CLEC2D: variants seen among roughly 807,000 people sequenced by gnomAD.
CLEC2D encodes C-type lectin domain family 2 member D.
A neutral mutation model predicts 20.0 loss-of-function variants in CLEC2D; 16 were observed. The observed-to-expected ratio is 0.80, with a 90% CI of 0.54 to 1.22. The LOEUF (loss-of-function observed/expected upper bound fraction) is 1.22, where lower values mean the gene tolerates loss of function less well. CLEC2D is among the 50% of genes most tolerant of loss of function. The probability of loss-of-function intolerance (pLI) is 0.00; values close to 1 mark genes in which losing one functional copy is unlikely to be tolerated. For synonymous variants in CLEC2D, 77 were observed against 71.1 expected (o/e 1.08, Z -0.42); for missense variants, 207 against 221.5 (o/e 0.93, Z 0.42).
At chr12:9,692,076 A>T (rs1264045807) in intron 3 of CLEC2D, among the ~76,000 whole-genome samples, 2 of 152,162 alleles carry the variant, frequency 1.3e-5, no homozygotes, top group Non-Finnish European at 2.9e-5. Context: ...CACTTACATT[A>T]GTTTGGTGTC....
chr12:9,671,449 T>C (rs1473247808), intron 1 of CLEC2D, among the ~76,000 whole-genome samples: 1 of 152,098 alleles, frequency 6.6e-6, no homozygotes, highest in African/African-American at 2.4e-5. Flanking sequence ...CTCGATCTCC[T>C]GACTTTGTGA....
intron 1 of CLEC2D, among the ~76,000 whole-genome samples, 177 bp downstream of exon 1, chr12:9,669,972 C>A (rs1865375051): frequency 6.6e-6 from 1 of 151,702 alleles, no homozygotes; most frequent in South Asian, 2.1e-4. Context: ...TATTTATATT[C>A]CCAGTTCTAA....
chr12:9,682,831 G>A (rs1321230837), intron 2 of CLEC2D, among the ~76,000 whole-genome samples: 1 of 152,142 alleles, frequency 6.6e-6, no homozygotes, highest in East Asian at 1.9e-4. Flanking sequence ...ATAAACATAC[G>A]AGTGCATGTG....
At chr12:9,685,495 C>A (rs1195680929) in intron 2 of CLEC2D, among the ~76,000 whole-genome samples, 3 of 152,222 alleles carry the variant, frequency 2.0e-5, no homozygotes, top group Non-Finnish European at 4.4e-5. Context: ...TATCTATAAG[C>A]CCCTGACTGG....
chr12:9,695,949 CA>C lies in CLEC2D; in HGVS notation c.*1080del. 3.9e-6 allele frequency: 6 copies of C among 1,545,134 alleles called. No homozygotes were observed. Among genetic ancestry groups the C allele is most frequent in the East Asian group, 2.2e-5 (1 of 44,566 alleles). On this transcript the variant is annotated 3_prime_UTR_variant, in exon 5 of 5. Coordinates refer to ENST00000290855, the MANE Select transcript of CLEC2D (RefSeq NM_013269.6). ...AGAAATCTATACGAGATACTCCAGC[CA>C]AAAATGCACAAAAGTCAAATCAGAA...
chr12:9,682,735 A>G (rs1418787803), intron 2 of CLEC2D, among the ~76,000 whole-genome samples: 1 of 152,196 alleles, frequency 6.6e-6, no homozygotes, highest in African/African-American at 2.4e-5. Flanking sequence ...TCCATGGTGT[A>G]TATGTGCCAC....
intron 2 of CLEC2D, 47 bp from the exon 3 acceptor site, chr12:9,687,855 A>G (rs1865781008): frequency 2.5e-6 from 3 of 1,219,240 alleles, no homozygotes; most frequent in Non-Finnish European, 3.3e-6. Context: ...ACAATACAAT[A>G]TAAAAGTAAG....
intron 1 of CLEC2D, among the ~76,000 whole-genome samples, chr12:9,678,908 A>G (rs1176112909): frequency 6.6e-6 from 1 of 152,146 alleles, no homozygotes; most frequent in East Asian, 1.9e-4. Flanking sequence ...ATATTTTCTC[A>G]TTCTTAGTAT....
intron 1 of CLEC2D, among the ~76,000 whole-genome samples, chr12:9,675,408 A>G (rs763426230): frequency 6.6e-6 from 1 of 152,076 alleles, no homozygotes; most frequent in African/African-American, 2.4e-5. Context: ...GTTAGCCAGG[A>G]TGGTATAGAT....
intron 1 of CLEC2D, among the ~76,000 whole-genome samples, chr12:9,670,831 CA>C (rs1316784523): frequency 6.6e-6 from 1 of 152,162 alleles, no homozygotes. Flanking sequence ...GTGCATCAAC[CA>C]GGGGTGAAAT....
chr12:9,687,936 A>G lies in CLEC2D; in HGVS notation c.207A>G (p.Val69=), dbSNP rs1008167951. Residue 69 remains valine (V), a synonymous_variant, in exon 3 of 5, where the codon GTA becomes GTG. Coordinates refer to ENST00000290855, the MANE Select transcript of CLEC2D (RefSeq NM_013269.6). The part of the protein sequence containing the change: ...IRANCHQEPS[V]CLQAACPESW... The stretch of plus-strand genomic sequence containing the variant: ...CTAACTGCCATCAAGAGCCATCAGT[A>G]TGTCTTCAAGCTGCATGCCCAGAAA... 7 of 1,605,854 alleles carry G rather than the reference A, an allele frequency of 4.4e-6. No individual in the cohort carries two copies. The African/African-American group carries it at 5.4e-5, about 12-fold the overall frequency.
intron 2 of CLEC2D, among the ~76,000 whole-genome samples, chr12:9,681,296 T>TA (rs570834907): frequency 2.3e-4 from 35 of 151,688 alleles, no homozygotes; most frequent in Middle Eastern, 3.4e-3. Flanking sequence ...ATGCAAAAAT[T>TA]AAAAAAAATA....
Position 9,695,967 on chromosome 12 carries a change from A to T in CLEC2D, c.*1093A>T. ...CTCCAGCCAAAAATGCACAAAAGTCAAATCAGAATGGAAAAGACTCAAAAC... is the reference window on the plus strand; with the variant it reads ...CTCCAGCCAAAAATGCACAAAAGTCTAATCAGAATGGAAAAGACTCAAAAC... On this transcript the variant is annotated 3_prime_UTR_variant, in exon 5 of 5. Coordinates refer to ENST00000290855, the MANE Select transcript of CLEC2D (RefSeq NM_013269.6). The T allele has an allele frequency of 6.4e-7, 1 of 1,565,834 alleles. No individual in the cohort carries two copies.
chr12:9,680,811 C>A, intron 1 of CLEC2D, 112 bp from the exon 2 acceptor site: 1 of 590,992 alleles, frequency 1.7e-6, no homozygotes, highest in Non-Finnish European at 3.0e-6. Context: ...CATTTGCATC[C>A]TCTAGTGAAA....
rs1865972254 is a variant in CLEC2D at position 9,695,788 on chromosome 12, TTAAGTA to T, written c.*917_*922del. 6 of 1,330,992 alleles carry T rather than the reference TTAAGTA, an allele frequency of 4.5e-6. No homozygotes were observed. 82.4% of individuals were successfully genotyped at this position (1,330,992 alleles called of 1,614,324 possible). A position where few individuals can be genotyped will look rare whatever the true frequency, so the allele number is the denominator to read the frequency against. On this transcript the variant is annotated 3_prime_UTR_variant, in exon 5 of 5. Transcript: ENST00000290855. ...TGAAGAAGAGGAGGATGTGAAACTCTTAAGTATATCTGGAAAGCAGTCTGCCCCTGG... is the reference window on the plus strand; with the variant it reads ...TGAAGAAGAGGAGGATGTGAAACTCTTATCTGGAAAGCAGTCTGCCCCTGG...
chr12:9,672,956 G>A (rs781343156), intron 1 of CLEC2D, among the ~76,000 whole-genome samples: 1 of 152,194 alleles, frequency 6.6e-6, no homozygotes, highest in African/African-American at 2.4e-5. Flanking sequence ...CTGGTTAACA[G>A]CTCCTGTAAT....
chr12:9,686,866 G>A (rs1865759335), intron 2 of CLEC2D, among the ~76,000 whole-genome samples: 2 of 152,204 alleles, frequency 1.3e-5, no homozygotes, highest in Admixed American at 1.3e-4. Context: ...TTAGTGGAAG[G>A]AAGTTCACTG....
intron 4 of CLEC2D, 131 bp downstream of exon 4, chr12:9,693,062 T>C: frequency 6.2e-7 from 1 of 1,613,940 alleles, no homozygotes; most frequent in Non-Finnish European, 8.5e-7. Context: ...TGGTGCCAAC[T>C]TGTATGTTGC....
chr12:9,679,366 G>C (rs1456583905), intron 1 of CLEC2D, among the ~76,000 whole-genome samples: 7 of 151,908 alleles, frequency 4.6e-5, no homozygotes, highest in Non-Finnish European at 1.0e-4. Context: ...TATAAGACAA[G>C]TCTACTGGCA....
Sources: allele counts gnomAD v4.1 joint callset (sites outside exome capture counted in the v4.1 genomes callset), GRCh38; gene constraint gnomAD v4.1.1; transcripts MANE v1.5; gene names NCBI Gene and HGNC (gene_info 2026-07-23, HGNC 2026-07-21).